Variants in IRAG2 observed in about 807,000 individuals in gnomAD.
IRAG2 encodes inositol 1,4,5-triphosphate receptor associated 2.
IRAG2 carries 45 observed loss-of-function variants against 69.9 expected under a neutral mutation model. The observed-to-expected ratio is 0.64, with a 90% confidence interval of 0.51 to 0.83. The LOEUF (loss-of-function observed/expected upper bound fraction) is 0.83. Among genes scored for constraint, IRAG2 ranks in the 40% least tolerant of loss-of-function variants. The pLI, the probability that IRAG2 is intolerant of heterozygous loss-of-function variation, is 0.00. For synonymous variants in IRAG2, 193 were observed against 202.4 expected (o/e 0.95, Z 0.40); for missense variants, 520 against 587.0 (o/e 0.89, Z 1.18).
chr12:25,053,107 A>G, intron 1 of IRAG2, among the ~76,000 whole-genome samples, 151 bp downstream of exon 1: 1 of 152,122 alleles, frequency 6.6e-6, no homozygotes, highest in East Asian at 1.9e-4. Flanking sequence ...TGGGGCTTTC[A>G]GAGAGGTTTG....
intron 1 of IRAG2, among the ~76,000 whole-genome samples, 180 bp downstream of exon 1, chr12:25,053,136 G>C (rs565963097): frequency 6.6e-6 from 1 of 152,202 alleles, no homozygotes; most frequent in East Asian, 1.9e-4. Context: ...CTAGGTGCAT[G>C]CATGGGTTTA....
intron 6 of IRAG2, among the ~76,000 whole-genome samples, chr12:25,072,650 C>G (rs1465696965): frequency 6.6e-6 from 1 of 152,184 alleles, no homozygotes; most frequent in Non-Finnish European, 1.5e-5. Flanking sequence ...AGTGGACACC[C>G]CAGACGATGG....
chr12:25,096,693 CATAAAAGATTTGTG>C (rs1406650226), intron 14 of IRAG2, among the ~76,000 whole-genome samples: 3 of 152,124 alleles, frequency 2.0e-5, no homozygotes, highest in Admixed American at 6.5e-5. Context: ...CAAGAATAGA[CATAAAAGATTTGTG>C]ATCACCTGCG....
chr12:25,014,309 C>T (rs796982671), intron 3 of IRAG2, among the ~76,000 whole-genome samples: 15 of 151,994 alleles, frequency 9.9e-5, no homozygotes, highest in South Asian at 2.1e-4. Context: ...AAATCATGGG[C>T]GCTAGAAATA....
At chr12:24,998,330 G>A in the IRAG2 span, among the ~76,000 whole-genome samples, 3 of 152,124 alleles carry the variant, frequency 2.0e-5, no homozygotes, top group Non-Finnish European at 4.4e-5. Context: ...GAAAGGTTGC[G>A]GATGACAGAC....
At chr12:25,088,658 A>C (rs1947813366) in intron 11 of IRAG2, among the ~76,000 whole-genome samples, 1 of 152,180 alleles carries the variant, frequency 6.6e-6, no homozygotes, top group Non-Finnish European at 1.5e-5. Context: ...AGGAAAATGA[A>C]AAGAAGAAAA....
rs1019597741 is a variant in IRAG2 at position 25,066,450 on chromosome 12, G to C, written c.-121G>C. 6.2e-5 allele frequency: 25 copies of C among 401,078 alleles called. No homozygotes were observed. The highest frequency in any genetic ancestry group is 8.8e-5 in the Non-Finnish European group (20 of 226,238). The allele number at this position is 401,078 out of a possible 1,614,324, so 24.8% of individuals were successfully genotyped here. A position where few individuals can be genotyped will look rare whatever the true frequency, so the allele number is the denominator to read the frequency against. ...GTGTAGCCAACCAAATCCACACTCT[G>C]TGTGAAAGGCCCACATATGGAGAAG... On this transcript the variant is annotated 5_prime_UTR_variant, in exon 5 of 22. Transcript: ENST00000556887.
exon 6 of IRAG2, chr12:25,017,135 G>A (rs604458): frequency 8.1e-7 from 1 of 1,231,928 alleles, no homozygotes; most frequent in East Asian, 3.2e-5. Flanking sequence ...TACTTGCAGA[G>A]AGGTGTCTGA....
At chr12:25,067,473 G>A (rs760578409) in intron 5 of IRAG2, among the ~76,000 whole-genome samples, 1 of 152,110 alleles carries the variant, frequency 6.6e-6, no homozygotes, top group Non-Finnish European at 1.5e-5. Flanking sequence ...CCACAAGGCT[G>A]GTCCCTGCTT....
intron 6 of IRAG2, chr12:25,020,648 G>T (rs952761726): frequency 3.8e-5 from 15 of 396,500 alleles, no homozygotes; most frequent in African/African-American, 6.2e-5. Context: ...AAAGATCATG[G>T]GTATATTTTT....
At chr12:25,028,835 T>C (rs1944645756) in intron 9 of IRAG2, among the ~76,000 whole-genome samples, 1 of 152,216 alleles carries the variant, frequency 6.6e-6, no homozygotes, top group Non-Finnish European at 1.5e-5. Flanking sequence ...TGTTTACATA[T>C]ATATGTAAAA....
chr12:25,025,559 G>A (rs1944614552), intron 8 of IRAG2, among the ~76,000 whole-genome samples: 1 of 152,208 alleles, frequency 6.6e-6, no homozygotes, highest in Admixed American at 6.5e-5. Context: ...AGCCATTGAA[G>A]TGTTTTGAGC....
At chr12:25,014,121 C>G (rs1401610456) in intron 3 of IRAG2, among the ~76,000 whole-genome samples, 1 of 151,732 alleles carries the variant, frequency 6.6e-6, no homozygotes, top group Non-Finnish European at 1.5e-5. Context: ...GTGATCTGCC[C>G]TCCTCTGCCT....
At chr12:25,057,864 G>A (rs1945373992) in intron 1 of IRAG2, among the ~76,000 whole-genome samples, 1 of 152,126 alleles carries the variant, frequency 6.6e-6, no homozygotes, top group African/African-American at 2.4e-5. Flanking sequence ...TACACAGTAT[G>A]TACTTTTTTG....
At chr12:25,051,773 A>C (rs1944878186), upstream of IRAG2, among the ~76,000 whole-genome samples, 1 of 152,176 alleles carries the variant, frequency 6.6e-6, no homozygotes, top group Non-Finnish European at 1.5e-5. Context: ...CTTAAGGAGA[A>C]AGGCTAAGGT....
intron 9 of IRAG2, among the ~76,000 whole-genome samples, chr12:25,082,525 G>A (rs1469635601): frequency 1.3e-5 from 2 of 151,996 alleles, no homozygotes; most frequent in Non-Finnish European, 2.9e-5. Flanking sequence ...ACTTGAGCCT[G>A]GGAGGCGGAG....
chr12:25,040,515 A>AAGAG (rs942643713), intron 16 of IRAG2, among the ~76,000 whole-genome samples: 3 of 151,766 alleles, frequency 2.0e-5, no homozygotes, highest in East Asian at 1.9e-4. Context: ...CTTAAAAAAA[A>AAGAG]AGAGAGAGAG....
Position 25,090,648 on chromosome 12 carries a change from G to A in IRAG2, c.606+451G>A, listed in dbSNP as rs532944645. On this transcript the variant is annotated intron_variant, in intron 14 of 21. Transcript: ENST00000556887. ...CTTGTATGACCCAAACCAGTACCAG[G>A]TGCCAAGCTCTGCCTGACCCAAATG... Among the ~76,000 whole-genome samples the A allele has an allele frequency of 4.6e-5, 7 of 152,234 alleles. No individual in the cohort carries two copies. The South Asian group carries it at 1.2e-3, about 27-fold the overall frequency.
intron 15 of IRAG2, among the ~76,000 whole-genome samples, chr12:25,100,271 T>C (rs544822944): frequency 9.2e-5 from 14 of 151,956 alleles, no homozygotes; most frequent in Admixed American, 3.9e-4. Flanking sequence ...TGTGGGGAGA[T>C]TGCAAACACT....
Sources: gnomAD v4.1 joint callset for allele counts (sites outside exome capture counted in the v4.1 genomes callset) on GRCh38, gnomAD v4.1.1 for gene constraint, MANE v1.5 for transcripts, NCBI Gene and HGNC (gene_info 2026-07-23, HGNC 2026-07-21) for gene names.